The following TMEM108 variants were observed in gnomAD, a reference collection of about 807,000 sequenced individuals.
The protein encoded by TMEM108 is transmembrane protein 108, also known as cancer/testis antigen 124.
TMEM108 carries 12 observed loss-of-function variants against 35.1 expected under a neutral mutation model. That is an observed-to-expected ratio of 0.34 (90% CI 0.22 to 0.55). The LOEUF (loss-of-function observed/expected upper bound fraction) is 0.55, where lower values mean the gene tolerates loss of function less well. TMEM108 is among the 20% of genes least tolerant of loss of function. TMEM108 has a pLI of 0.89. For synonymous variants in TMEM108, 287 were observed against 308.6 expected, an observed-to-expected ratio of 0.93 and a Z score of 0.73; for missense variants, 680 against 753.3, an observed-to-expected ratio of 0.90 and a Z score of 1.14.
intron 2 of TMEM108, among the ~76,000 whole-genome samples, chr3:133,226,016 G>A (rs914671073): frequency 2.6e-5 from 4 of 152,218 alleles, no homozygotes; most frequent in Admixed American, 2.6e-4. Flanking sequence ...GTCAATACAT[G>A]TGAGGTATAC....
chr3:133,331,134 G>A (rs1373314248), intron 3 of TMEM108, among the ~76,000 whole-genome samples: 1 of 152,130 alleles, frequency 6.6e-6, no homozygotes, highest in Non-Finnish European at 1.5e-5. Flanking sequence ...GTAAAAAGAA[G>A]CAGTTGTACA....
chr3:133,041,308 A>G (rs1365265043), intron 1 of TMEM108, among the ~76,000 whole-genome samples: 1 of 152,142 alleles, frequency 6.6e-6, no homozygotes, highest in Non-Finnish European at 1.5e-5. Context: ...TGTGCTTGAG[A>G]AAAGAAGGGC....
chr3:133,174,675 G>C (rs1226955116), intron 2 of TMEM108, among the ~76,000 whole-genome samples: 1 of 152,154 alleles, frequency 6.6e-6, no homozygotes, highest in Non-Finnish European at 1.5e-5. Context: ...AAACCCATCA[G>C]TACATCACCA....
chr3:133,081,145 G>A (rs1259979289), intron 2 of TMEM108, among the ~76,000 whole-genome samples: 1 of 152,166 alleles, frequency 6.6e-6, no homozygotes, highest in Non-Finnish European at 1.5e-5. Context: ...TCATCTGGAC[G>A]TTTCACTGGA....
intron 3 of TMEM108, among the ~76,000 whole-genome samples, chr3:133,324,095 C>T (rs375230360): frequency 2.0e-5 from 3 of 152,294 alleles, no homozygotes. Flanking sequence ...ATCAGAAAAA[C>T]TCTTCCATAC....
chr3:133,049,190 AT>A (rs1176335027), intron 2 of TMEM108, among the ~76,000 whole-genome samples: 5 of 152,300 alleles, frequency 3.3e-5, no homozygotes, highest in South Asian at 4.1e-4. Flanking sequence ...TTTTCTTGTG[AT>A]AACCTCTTGG....
At position 133,351,757 on chromosome 3, in the gene TMEM108, A is replaced by T. The variant is rs144107110; in HGVS notation, c.41-27995A>T. Among the ~76,000 whole-genome samples, 404 of 152,178 alleles carry T rather than the reference A, an allele frequency of 2.7e-3. 5 individuals carry two copies. The highest frequency in any genetic ancestry group is 9.2e-3 in the African/African-American group (382 of 41,532). On this transcript the variant is annotated intron_variant, in intron 3 of 5. Coordinates refer to ENST00000321871, the MANE Select transcript of TMEM108 (RefSeq NM_023943.4). ...TGATCAAGATCACACAGCTGAAAGC[A>T]CTCTCCTGAGCCACCTGGATGTGAA... is the stretch of plus-strand genomic sequence containing the variant.
chr3:133,330,430 AAG>A lies in TMEM108; in HGVS notation c.41-49314_41-49313del, dbSNP rs1221643807. Among the ~76,000 whole-genome samples, 11 of 152,274 alleles carry A rather than the reference AAG, an allele frequency of 7.2e-5. No homozygotes were observed. The East Asian group carries it at 1.9e-3, about 27-fold the overall frequency. On this transcript the variant is annotated intron_variant, in intron 3 of 5. Coordinates refer to ENST00000321871, the MANE Select transcript of TMEM108 (RefSeq NM_023943.4). ...GTGGGGTGTGTATATATGTGTGTGT[AAG>A]AGAGAGAATATGAGAATATGTATTA...
intron 3 of TMEM108, among the ~76,000 whole-genome samples, chr3:133,232,769 A>G (rs955166542): frequency 1.3e-5 from 2 of 152,198 alleles, no homozygotes; most frequent in South Asian, 4.1e-4. Flanking sequence ...CTACTCAGGA[A>G]TGTGGTACTG....
intron 2 of TMEM108, among the ~76,000 whole-genome samples, chr3:133,065,105 T>C (rs926515548): frequency 2.0e-5 from 3 of 152,216 alleles, no homozygotes; most frequent in African/African-American, 7.2e-5. Context: ...TGGGAAGGCA[T>C]AGATGCTAAA....
intron 1 of TMEM108, among the ~76,000 whole-genome samples, chr3:133,045,116 C>T (rs1261587833): frequency 1.3e-5 from 2 of 151,988 alleles, no homozygotes; most frequent in Non-Finnish European, 2.9e-5. Flanking sequence ...TACAGGCACC[C>T]GCCACCATGC....
chr3:133,212,878 AAAGG>A (rs1249725601), intron 2 of TMEM108, among the ~76,000 whole-genome samples: 2 of 117,376 alleles, frequency 1.7e-5, no homozygotes, highest in Non-Finnish European at 3.3e-5. Flanking sequence ...AAAAAAAAAA[AAAGG>A]AAAAAAAAAA....
chr3:133,067,994 A>G (rs76579513), intron 2 of TMEM108, among the ~76,000 whole-genome samples: 2,533 of 152,182 alleles, frequency 0.017, 83 homozygotes, highest in African/African-American at 0.058. Flanking sequence ...ATGAGCACAT[A>G]AGACAGAGGG....
intron 2 of TMEM108, among the ~76,000 whole-genome samples, chr3:133,087,915 C>A (rs1001473079): frequency 6.6e-6 from 1 of 152,020 alleles, no homozygotes; most frequent in African/African-American, 2.4e-5. Flanking sequence ...TACGTGGTGC[C>A]TTTGAGAGAG....
At chr3:133,274,653 A>C (rs1946815138) in intron 3 of TMEM108, among the ~76,000 whole-genome samples, 1 of 152,180 alleles carries the variant, frequency 6.6e-6, no homozygotes, top group Admixed American at 6.5e-5. Flanking sequence ...GTCCTTTCCT[A>C]CTGCCTCCTG....
intron 2 of TMEM108, among the ~76,000 whole-genome samples, chr3:133,105,612 C>CT (rs1336000414): frequency 6.8e-6 from 1 of 147,284 alleles, no homozygotes; most frequent in Non-Finnish European, 1.5e-5. Context: ...AACAGGAAAC[C>CT]TTGGGGGTAT....
At position 133,175,233 on chromosome 3, in the gene TMEM108, C is replaced by A. The variant is rs945035631; in HGVS notation, c.-46-54033C>A. ...CCTGAAAGTGACGGGGAGAATGGAA[C>A]CAAGTTGGAAAACACTCTGCAGGAT... On this transcript the variant is annotated intron_variant, in intron 2 of 5. Coordinates refer to ENST00000321871, the MANE Select transcript of TMEM108 (RefSeq NM_023943.4). Among the ~76,000 whole-genome samples, 59 of 152,300 alleles carry A rather than the reference C, an allele frequency of 3.9e-4. 1 individual carries two copies. The highest frequency in any genetic ancestry group is 1.9e-3 in the Admixed American group (29 of 15,296).
intron 2 of TMEM108, among the ~76,000 whole-genome samples, chr3:133,135,424 G>C (rs1944551649): frequency 6.6e-6 from 1 of 152,192 alleles, no homozygotes; most frequent in South Asian, 2.1e-4. Context: ...ATTATGGAAG[G>C]CTATGAGTAT....
chr3:133,155,738 G>A (rs1364428560), intron 2 of TMEM108, among the ~76,000 whole-genome samples: 2 of 152,072 alleles, frequency 1.3e-5, no homozygotes, highest in African/African-American at 4.8e-5. Flanking sequence ...GTAGATTCTG[G>A]ATATTAGACC....
Sources: allele counts gnomAD v4.1 joint callset (sites outside exome capture counted in the v4.1 genomes callset), GRCh38; gene constraint gnomAD v4.1.1; transcripts MANE v1.5; gene names NCBI Gene and HGNC (gene_info 2026-07-23, HGNC 2026-07-21).